Variants in ZNF624 observed in about 807,000 individuals in gnomAD.
The protein encoded by ZNF624 is zinc finger protein 624.
ZNF624 carries 43 observed loss-of-function variants against 74.7 expected under a neutral mutation model. The ratio of observed to expected loss-of-function variants is 0.58; its 90% CI spans 0.45 to 0.74. The LOEUF (loss-of-function observed/expected upper bound fraction) is 0.74. Among genes scored for constraint, ZNF624 ranks in the 30% least tolerant of loss-of-function variants. The pLI, the probability that ZNF624 is intolerant of heterozygous loss-of-function variation, is 0.00. For missense variants in ZNF624, 820 were observed against 1,030.0 expected (o/e 0.80, Z 2.79); for synonymous variants, 331 against 341.3 (o/e 0.97, Z 0.33).
chr17:16,626,332 T>G (rs572603032), intron 5 of ZNF624, among the ~76,000 whole-genome samples: 5 of 152,346 alleles, frequency 3.3e-5, no homozygotes, highest in Admixed American at 1.3e-4. Flanking sequence ...AATTAATATT[T>G]TGTCATGCTG....
chr17:16,634,000 C>A, intron 4 of ZNF624, 43 bp from the exon 5 acceptor site: 1 of 1,515,990 alleles, frequency 6.6e-7, no homozygotes, highest in South Asian at 1.1e-5. Flanking sequence ...GAGCCATGAG[C>A]AAGAACTCCT....
At chr17:16,615,976 T>C (rs573684754), downstream of ZNF624, among the ~76,000 whole-genome samples, 24 of 81,180 alleles carry the variant, frequency 3.0e-4, 1 homozygote, top group South Asian at 4.9e-3. Flanking sequence ...TATATATATA[T>C]ATATATATAT....
chr17:16,644,379 A>C (rs563221542), intron 3 of ZNF624, among the ~76,000 whole-genome samples: 1 of 152,198 alleles, frequency 6.6e-6, no homozygotes, highest in Non-Finnish European at 1.5e-5. Flanking sequence ...TACTATAACT[A>C]AAGTTTTATT....
intron 3 of ZNF624, 85 bp from the exon 4 acceptor site, chr17:16,634,841 C>T: frequency 1.5e-6 from 2 of 1,312,860 alleles, no homozygotes; most frequent in Non-Finnish European, 1.0e-6. Context: ...GGGGAAGAGC[C>T]CCAGAAACCA....
chr17:16,619,308 T>C (rs766025977), downstream of ZNF624, among the ~76,000 whole-genome samples: 1 of 152,120 alleles, frequency 6.6e-6, no homozygotes, highest in Admixed American at 6.6e-5. Flanking sequence ...GTTAGGAAAA[T>C]ATTTCTTAAA....
At chr17:16,626,501 C>T (rs1909076111) in intron 5 of ZNF624, among the ~76,000 whole-genome samples, 1 of 151,862 alleles carries the variant, frequency 6.6e-6, no homozygotes, top group Non-Finnish European at 1.5e-5. Flanking sequence ...GCCTATAATC[C>T]CAGCACTTTG....
At chr17:16,615,956 CATATATATATATATATATATATATATAT>C (rs56321425), downstream of ZNF624, among the ~76,000 whole-genome samples, 871 of 90,318 alleles carry the variant, frequency 9.6e-3, 35 homozygotes, top group African/African-American at 0.03. Flanking sequence ...ATTCCATATA[CATATATATATATATATATATATATATAT>C]ATATATATAT....
At chr17:16,632,690 T>A (rs1909233994) in intron 5 of ZNF624, among the ~76,000 whole-genome samples, 1 of 152,226 alleles carries the variant, frequency 6.6e-6, no homozygotes, top group Admixed American at 6.5e-5. Context: ...GTTACTATCA[T>A]CTCCTGGATA....
chr17:16,633,578 A>AT (rs1450263102), intron 5 of ZNF624, among the ~76,000 whole-genome samples: 1 of 152,228 alleles, frequency 6.6e-6, no homozygotes, highest in East Asian at 1.9e-4. Context: ...CCTGAAAGGG[A>AT]TATTTTATGC....
At chr17:16,635,507 G>C (rs1209357335) in intron 3 of ZNF624, among the ~76,000 whole-genome samples, 5 of 151,748 alleles carry the variant, frequency 3.3e-5, no homozygotes, top group Non-Finnish European at 2.9e-5. Flanking sequence ...TGAAAATTAA[G>C]AGTAACATGA....
chr17:16,624,853 C>CCA (rs1909028170), intron 5 of ZNF624: 1 of 43,954 alleles, frequency 2.3e-5, no homozygotes, highest in Non-Finnish European at 3.7e-5. Flanking sequence ...CCTGTCTCTA[C>CCA]AAAAAAAAAA....
At position 16,623,900 on chromosome 17, in the gene ZNF624, T is replaced by C. The variant is rs552037836; in HGVS notation, c.986A>G (p.Glu329Gly). Residue 329 changes from glutamate (E) to glycine (G), a missense_variant, in exon 6 of 6, where the codon GAA (glutamate) becomes GGA (glycine). Glu to Gly is a moderately conservative substitution (Grantham distance 98, BLOSUM62 -2). Transcript: ENST00000311331. This position sits in a 1 kb window ranked among gnomAD's most constrained non-coding sequence, Gnocchi z 5.3. ...LSQHKKIHTG[E>G]KPYKCNECGK... ...ACATTCATTACATTTATAGGGTTTT[T>C]CTCCAGTGTGGATTTTTTTGTGCTG... 6.2e-7 allele frequency: 1 copy of C among 1,614,008 alleles called. No individual in the cohort carries two copies.
intron 5 of ZNF624, among the ~76,000 whole-genome samples, chr17:16,628,234 G>A (rs1909120325): frequency 6.6e-6 from 1 of 152,080 alleles, no homozygotes; most frequent in Non-Finnish European, 1.5e-5. Flanking sequence ...CTGCACTCCA[G>A]CCTGGGTAAA....
chr17:16,635,304 G>A (rs72835914), intron 3 of ZNF624, among the ~76,000 whole-genome samples: 11,260 of 152,082 alleles, frequency 0.074, 576 homozygotes, highest in Middle Eastern at 0.19. Flanking sequence ...AAGTTCTTTG[G>A]TCTGGATATG....
intron 5 of ZNF624, among the ~76,000 whole-genome samples, chr17:16,626,750 T>C (rs1309977524): frequency 1.3e-5 from 2 of 151,714 alleles, no homozygotes; most frequent in African/African-American, 4.8e-5. Context: ...AAACCCTGTC[T>C]CAAATAAATA....
At chr17:16,620,195 C>G (rs1166708709), downstream of ZNF624, among the ~76,000 whole-genome samples, 1 of 152,126 alleles carries the variant, frequency 6.6e-6, no homozygotes, top group African/African-American at 2.4e-5. Flanking sequence ...GATGTCAGGT[C>G]TTTGGTCTGT....
intron 5 of ZNF624, among the ~76,000 whole-genome samples, chr17:16,633,501 T>A (rs1909251799): frequency 1.3e-5 from 2 of 152,038 alleles, no homozygotes; most frequent in Non-Finnish European, 2.9e-5. Context: ...CATTTTCAGG[T>A]AAATGAGGGA....
intron 5 of ZNF624, among the ~76,000 whole-genome samples, chr17:16,626,886 G>A (rs117125863): frequency 0.074 from 11,266 of 151,828 alleles, 576 homozygotes; most frequent in Middle Eastern, 0.19. Flanking sequence ...GTGAAACCCC[G>A]TCTCAACTAA....
intron 5 of ZNF624, among the ~76,000 whole-genome samples, chr17:16,633,063 C>G (rs1051200224): frequency 6.6e-6 from 1 of 152,206 alleles, no homozygotes; most frequent in Non-Finnish European, 1.5e-5. Context: ...TCTTCAGAAG[C>G]TCCCCTGACC....
Sources: gnomAD v4.1 joint callset for allele counts (sites outside exome capture counted in the v4.1 genomes callset) on GRCh38, gnomAD v4.1.1 for gene constraint, Gnocchi (gnomAD v3.1) non-coding constraint, MANE v1.5 for transcripts, NCBI Gene and HGNC (gene_info 2026-07-23, HGNC 2026-07-21) for gene names.